The following COL11A1 variants were observed in gnomAD, a reference collection of about 807,000 sequenced individuals.
The protein encoded by COL11A1 is collagen type XI alpha 1 chain.
A neutral mutation model predicts 265.2 loss-of-function variants in COL11A1; 74 were observed. That is an observed-to-expected ratio of 0.28 (90% CI 0.23 to 0.34). The LOEUF (loss-of-function observed/expected upper bound fraction) is 0.34. Ranked by LOEUF, COL11A1 falls within the 10% of genes least tolerant of loss-of-function variation. The pLI, the probability that COL11A1 is intolerant of heterozygous loss-of-function variation, is 1.00. For missense variants in COL11A1, 2,165 were observed against 2,263.6 expected, an observed-to-expected ratio of 0.96 and a Z score of 0.88; for synonymous variants, 816 against 727.6, an observed-to-expected ratio of 1.12 and a Z score of -1.96.
At chr1:102,992,178 C>T (rs1664207387) in intron 28 of COL11A1, among the ~76,000 whole-genome samples, 2 of 151,982 alleles carry the variant, frequency 1.3e-5, no homozygotes, top group Non-Finnish European at 2.9e-5. Context: ...GTTTAAAAAA[C>T]AATTAGATGA....
chr1:102,954,141 A>G (rs573622640), intron 41 of COL11A1, among the ~76,000 whole-genome samples: 1 of 152,140 alleles, frequency 6.6e-6, no homozygotes, highest in Non-Finnish European at 1.5e-5. Flanking sequence ...GGAAGAATTT[A>G]CCTTTCTCTA....
chr1:103,026,058 C>T (rs1667485889), intron 6 of COL11A1, 158 bp downstream of exon 6: 2 of 1,259,758 alleles, frequency 1.6e-6, no homozygotes, highest in Non-Finnish European at 2.3e-6. Context: ...GGACATCATT[C>T]TTCAAAACGG....
chr1:102,987,845 A>G (rs1663734322), intron 29 of COL11A1, 105 bp from the exon 30 acceptor site: 1 of 843,070 alleles, frequency 1.2e-6, no homozygotes, highest in Non-Finnish European at 2.0e-6. Context: ...AATAAACTCC[A>G]TCTTGCCTTT....
intron 11 of COL11A1, 28 bp downstream of exon 11, chr1:103,017,792 T>C: frequency 6.4e-7 from 1 of 1,571,374 alleles, no homozygotes; most frequent in Non-Finnish European, 8.8e-7. Flanking sequence ...CATGCATTTG[T>C]AATGAGATAT....
chr1:103,025,933 T>C, intron 6 of COL11A1: 2 of 1,612,430 alleles, frequency 1.2e-6, no homozygotes, highest in Non-Finnish European at 1.7e-6. Context: ...CATCTTCTTT[T>C]TGAAATTGGA....
At chr1:102,995,773 C>A in intron 28 of COL11A1, 91 bp downstream of exon 28, 1 of 1,056,218 alleles carries the variant, frequency 9.5e-7, no homozygotes, top group South Asian at 1.3e-5. Context: ...AGTAATCACT[C>A]ATATATTCAA....
intron 46 of COL11A1, among the ~76,000 whole-genome samples, chr1:102,933,671 G>A (rs372926329): frequency 1.5e-4 from 23 of 152,228 alleles, no homozygotes; most frequent in African/African-American, 5.5e-4. Flanking sequence ...GGGCAATGGC[G>A]GGCGCCCCTC....
chr1:103,000,695 G>A (rs930689356), intron 24 of COL11A1, among the ~76,000 whole-genome samples: 1 of 151,836 alleles, frequency 6.6e-6, no homozygotes, highest in Non-Finnish European at 1.5e-5. Flanking sequence ...GGAAAAGAGT[G>A]GAATTCACAA....
chr1:102,910,250 A>G (rs918409833), intron 54 of COL11A1, among the ~76,000 whole-genome samples: 15 of 152,086 alleles, frequency 9.9e-5, no homozygotes, highest in Admixed American at 5.2e-4. Flanking sequence ...TTCAAAATGA[A>G]TAATTCATGT....
intron 1 of COL11A1, among the ~76,000 whole-genome samples, chr1:103,093,400 A>G (rs1468857829): frequency 2.6e-5 from 4 of 152,152 alleles, no homozygotes; most frequent in South Asian, 2.1e-4. Context: ...AGCTGCCTGA[A>G]CAGGTTTTTT....
intron 46 of COL11A1, 129 bp from the exon 47 acceptor site, chr1:102,923,518 C>G (rs909824600): frequency 1.8e-5 from 13 of 718,202 alleles, no homozygotes; most frequent in Middle Eastern, 3.7e-4. Flanking sequence ...CAGATACTAA[C>G]ATTTGTTAAA....
At chr1:102,970,866 T>A (rs1443641056) in intron 36 of COL11A1, among the ~76,000 whole-genome samples, 2 of 151,918 alleles carry the variant, frequency 1.3e-5, no homozygotes, top group Admixed American at 6.6e-5. Context: ...AACAAAAAAG[T>A]AGCCGGGCGT....
At chr1:103,069,374 T>C (rs1010167188) in intron 4 of COL11A1, among the ~76,000 whole-genome samples, 4 of 151,764 alleles carry the variant, frequency 2.6e-5, no homozygotes, top group Non-Finnish European at 5.9e-5. Context: ...ACAGTGAACA[T>C]TGACCTTTAC....
At chr1:103,003,516 A>C (rs1229410968) in intron 20 of COL11A1, among the ~76,000 whole-genome samples, 1 of 152,188 alleles carries the variant, frequency 6.6e-6, no homozygotes, top group East Asian at 1.9e-4. Flanking sequence ...CATATGAATC[A>C]CTTGGGGAAT....
chr1:102,946,890 G>T lies in COL11A1; in HGVS notation c.3235C>A (p.Pro1079Thr). 2 of 1,613,616 alleles carry T rather than the reference G, an allele frequency of 1.2e-6. No homozygotes were observed. Among genetic ancestry groups the T allele is most frequent in the Non-Finnish European group, 1.7e-6 (2 of 1,179,866 alleles). Residue 1079 changes from proline to threonine, a missense_variant, in exon 42 of 67, where the codon CCT (proline) becomes ACT (threonine). Transcript: ENST00000370096. ...CCAGCTGGACCAGGAGGACCCTGAGGTCCCGGGCGCCCTGGTAAACCAATT... is the reference window on the plus strand; with the variant it reads ...CCAGCTGGACCAGGAGGACCCTGAGTTCCCGGGCGCCCTGGTAAACCAATT... ...GPIGLPGRPG[P>T]QGPPGPAGEK...
At chr1:102,960,198 T>C (rs1420556976) in intron 41 of COL11A1, among the ~76,000 whole-genome samples, 2 of 152,174 alleles carry the variant, frequency 1.3e-5, no homozygotes, top group African/African-American at 2.4e-5. Context: ...TCAATGGTTG[T>C]TATATGATGT....
At chr1:102,925,406 C>A (rs1177798859) in intron 46 of COL11A1, among the ~76,000 whole-genome samples, 1 of 151,900 alleles carries the variant, frequency 6.6e-6, no homozygotes, top group Non-Finnish European at 1.5e-5. Context: ...AAAGAAGGAA[C>A]TTTACTGAAT....
At chr1:102,927,196 T>A (rs1656694476) in intron 46 of COL11A1, among the ~76,000 whole-genome samples, 1 of 152,102 alleles carries the variant, frequency 6.6e-6, no homozygotes, top group African/African-American at 2.4e-5. Flanking sequence ...TTCTACAAGT[T>A]CACAAATTTC....
chr1:102,990,388 T>C (rs1434904928), intron 28 of COL11A1, among the ~76,000 whole-genome samples: 1 of 152,094 alleles, frequency 6.6e-6, no homozygotes, highest in Non-Finnish European at 1.5e-5. Flanking sequence ...CAATGGGTTC[T>C]GTATCTTACA....
Sources: gnomAD v4.1 joint callset for allele counts (sites outside exome capture counted in the v4.1 genomes callset) on GRCh38, gnomAD v4.1.1 for gene constraint, MANE v1.5 for transcripts, NCBI Gene and HGNC (gene_info 2026-07-23, HGNC 2026-07-21) for gene names.